Variants in PLCB1 observed in about 807,000 individuals in gnomAD.
PLCB1 encodes phospholipase C beta 1, also known as 1-phosphatidylinositol 4,5-bisphosphate phosphodiesterase beta-1.
In PLCB1, 46 loss-of-function variants were observed where a neutral mutation model predicts 161.8. The ratio of observed to expected loss-of-function variants is 0.28; its 90% CI spans 0.22 to 0.36. PLCB1 has a LOEUF of 0.36. Among genes scored for constraint, PLCB1 ranks in the 10% least tolerant of loss-of-function variants. The pLI, the probability that PLCB1 is intolerant of heterozygous loss-of-function variation, is 1.00. For synonymous variants in PLCB1, 517 were observed against 503.7 expected, an observed-to-expected ratio of 1.03 and a Z score of -0.35; for missense variants, 1,016 against 1,472.5, an observed-to-expected ratio of 0.69 and a Z score of 5.07.
intron 2 of PLCB1, among the ~76,000 whole-genome samples, chr20:8,205,836 A>T (rs563901254): frequency 2.6e-5 from 4 of 152,222 alleles, no homozygotes; most frequent in Admixed American, 2.0e-4. Flanking sequence ...ATGACCACGA[A>T]TGAATGGTTT....
chr20:8,789,866 C>T (rs1445603946), intron 30 of PLCB1, among the ~76,000 whole-genome samples: 1 of 152,134 alleles, frequency 6.6e-6, no homozygotes, highest in Non-Finnish European at 1.5e-5. Flanking sequence ...TAATTGTCAT[C>T]AATGATAGAG....
At chr20:8,352,165 C>T (rs1336606938) in intron 2 of PLCB1, among the ~76,000 whole-genome samples, 1 of 152,094 alleles carries the variant, frequency 6.6e-6, no homozygotes, top group African/African-American at 2.4e-5. Context: ...AAGGAATTAG[C>T]TTTCAAACCA....
At chr20:8,335,037 G>A (rs1379657508) in intron 2 of PLCB1, among the ~76,000 whole-genome samples, 1 of 152,140 alleles carries the variant, frequency 6.6e-6, no homozygotes, top group East Asian at 1.9e-4. Context: ...AATGAATGAA[G>A]CTCTATTCAT....
rs543950723 is a variant in PLCB1 at position 8,755,709 on chromosome 20, G to T, written c.2524-1337G>T. On this transcript the variant is annotated intron_variant, in intron 23 of 31. Transcript: ENST00000338037. ...AGCTTAAAGGTTTTATTTGTTTTAT[G>T]TCAACATAAATAACAAACAGATGCT... 2.0e-5 allele frequency among the ~76,000 whole-genome samples: 3 copies of T among 152,208 alleles called. No homozygotes were observed. The East Asian group carries it at 5.8e-4, about 29-fold the overall frequency.
chr20:8,523,963 CTAAT>C (rs1984483487), intron 3 of PLCB1, among the ~76,000 whole-genome samples: 1 of 152,008 alleles, frequency 6.6e-6, no homozygotes, highest in Non-Finnish European at 1.5e-5. Flanking sequence ...TTCACATTAA[CTAAT>C]TAATTAATTG....
At chr20:8,587,678 G>A (rs1420603130) in intron 3 of PLCB1, among the ~76,000 whole-genome samples, 1 of 152,142 alleles carries the variant, frequency 6.6e-6, no homozygotes, top group African/African-American at 2.4e-5. Flanking sequence ...GTTTACAACT[G>A]TCTTGCCTGA....
chr20:8,577,437 CAAAAAAAA>C (rs11289640), intron 3 of PLCB1, among the ~76,000 whole-genome samples: 208 of 94,012 alleles, frequency 2.2e-3, no homozygotes, highest in Non-Finnish European at 3.7e-3. Context: ...GACCCTGTCT[CAAAAAAAA>C]AAAAAAAAAA....
intron 31 of PLCB1, among the ~76,000 whole-genome samples, chr20:8,852,797 A>G (rs1986934235): frequency 6.6e-6 from 1 of 152,168 alleles, no homozygotes; most frequent in Non-Finnish European, 1.5e-5. Context: ...ATCTTACCTC[A>G]CCAATGCTAG....
intron 31 of PLCB1, among the ~76,000 whole-genome samples, chr20:8,878,400 T>C (rs1181657485): frequency 1.3e-5 from 2 of 152,294 alleles, no homozygotes; most frequent in South Asian, 2.1e-4. Flanking sequence ...GAGTACGACA[T>C]TGTAAAAGCC....
At chr20:8,688,209 T>G (rs1325069533) in intron 10 of PLCB1, among the ~76,000 whole-genome samples, 1 of 152,246 alleles carries the variant, frequency 6.6e-6, no homozygotes, top group Non-Finnish European at 1.5e-5. Flanking sequence ...CTGATTTGTT[T>G]GAGTTCATTG....
At chr20:8,490,635 A>G (rs1982905591) in intron 3 of PLCB1, among the ~76,000 whole-genome samples, 1 of 152,162 alleles carries the variant, frequency 6.6e-6, no homozygotes, top group Non-Finnish European at 1.5e-5. Context: ...AACACTTTGT[A>G]TGACAGCATC....
At chr20:8,168,445 G>A (rs1245459676) in intron 2 of PLCB1, among the ~76,000 whole-genome samples, 1 of 152,134 alleles carries the variant, frequency 6.6e-6, no homozygotes, top group East Asian at 1.9e-4. Flanking sequence ...CACTTACGCT[G>A]CAGTGAGGTG....
chr20:8,782,893 TAGA>T lies in PLCB1; in HGVS notation c.3112-5552_3112-5550del, dbSNP rs574597824. Among the ~76,000 whole-genome samples, 27 of 152,340 alleles carry T rather than the reference TAGA, an allele frequency of 1.8e-4. No individual in the cohort carries two copies. The East Asian group carries it at 4.4e-3, about 25-fold the overall frequency. ...GCCTATGTTCCAAGATTATCCTTCT[TAGA>T]AGAGACTCCAAACATACAAATTTCT... is the stretch of plus-strand genomic sequence containing the variant. On this transcript the variant is annotated intron_variant, in intron 27 of 31. Coordinates refer to ENST00000338037, the MANE Select transcript of PLCB1 (RefSeq NM_015192.4).
chr20:8,629,790 C>CTTTCTTTCT (rs869163876), intron 4 of PLCB1, among the ~76,000 whole-genome samples: 2,637 of 88,518 alleles, frequency 0.03, 186 homozygotes, highest in South Asian at 0.064. Flanking sequence ...TCCTTCCTTC[C>CTTTCTTTCT]TTTCTTTCTT....
At chr20:8,135,041 T>A (rs867464024) in intron 1 of PLCB1, among the ~76,000 whole-genome samples, 47 of 152,160 alleles carry the variant, frequency 3.1e-4, no homozygotes, top group African/African-American at 1.0e-3. Context: ...TTTCTACTCT[T>A]CTCAGCTCGT....
At chr20:8,708,780 G>A in intron 12 of PLCB1, 28 bp downstream of exon 12, 2 of 1,408,262 alleles carry the variant, frequency 1.4e-6, no homozygotes, top group African/African-American at 1.4e-5. Flanking sequence ...TCAGGAATGA[G>A]TCTTTTTCCC....
At chr20:8,388,803 T>G (rs1987508041) in intron 3 of PLCB1, among the ~76,000 whole-genome samples, 1 of 152,198 alleles carries the variant, frequency 6.6e-6, no homozygotes, top group African/African-American at 2.4e-5. Flanking sequence ...CTATTCACAT[T>G]TATCTTTAGA....
chr20:8,644,315 T>C (rs1477811773), intron 4 of PLCB1, among the ~76,000 whole-genome samples: 39 of 142,206 alleles, frequency 2.7e-4, no homozygotes, highest in African/African-American at 7.6e-4. Context: ...GTGAGGAGCG[T>C]CTCTGCCCGG....
At chr20:8,278,040 G>T (rs181572688) in intron 2 of PLCB1, among the ~76,000 whole-genome samples, 19 of 152,012 alleles carry the variant, frequency 1.2e-4, no homozygotes, top group African/African-American at 4.6e-4. Flanking sequence ...AATGTTCATT[G>T]CAGAATTATT....
Sources: gnomAD v4.1 joint callset for allele counts (sites outside exome capture counted in the v4.1 genomes callset) on GRCh38, gnomAD v4.1.1 for gene constraint, MANE v1.5 for transcripts, NCBI Gene and HGNC (gene_info 2026-07-23, HGNC 2026-07-21) for gene names.